PRKCQ: variants seen among roughly 807,000 people sequenced by gnomAD.
PRKCQ encodes the protein protein kinase C theta type.
Under a neutral mutation model 91.2 loss-of-function variants are expected in PRKCQ, and 41 were observed. That is an observed-to-expected ratio of 0.45 (90% confidence interval 0.35 to 0.58). The LOEUF is 0.58. Ranked by LOEUF, PRKCQ falls within the 20% of genes least tolerant of loss-of-function variation. The pLI is 0.00. For missense variants in PRKCQ, 673 were observed against 896.5 expected (o/e 0.75, Z 3.18); for synonymous variants, 307 against 316.9 (o/e 0.97, Z 0.33).
In PRKCQ at chr10:6,428,237, C is replaced by A. The variant is rs746598943; in HGVS notation, c.2091G>T (p.Met697Ile). The change falls in exon 18 of 18, where the codon ATG becomes ATT. Residue 697 changes from methionine (M) to isoleucine (I), a missense_variant. Coordinates refer to ENST00000263125, the MANE Select transcript of PRKCQ (RefSeq NM_006257.5). ...ATATCAGCCGCTCCATCCCGGGGTTCATGAAGGAAAAGTTCCTGAACATAT... is the reference window on the plus strand; with the variant it reads ...ATATCAGCCGCTCCATCCCGGGGTTAATGAAGGAAAAGTTCCTGAACATAT... ...DQNMFRNFSF[M>I]NPGMERLIS 2.5e-6 allele frequency: 4 copies of A among 1,614,042 alleles called. No homozygotes were observed. The highest frequency in any genetic ancestry group is 2.5e-6 in the Non-Finnish European group (3 of 1,180,052).
At chr10:6,422,799 C>T (rs1359920541), downstream of PRKCQ, among the ~76,000 whole-genome samples, 1 of 152,174 alleles carries the variant, frequency 6.6e-6, no homozygotes, top group African/African-American at 2.4e-5. Flanking sequence ...AAGGCAGAAG[C>T]TGGGGGCAGA....
intron 1 of PRKCQ, among the ~76,000 whole-genome samples, chr10:6,570,123 G>A: frequency 6.6e-6 from 1 of 152,144 alleles, no homozygotes; most frequent in African/African-American, 2.4e-5. Context: ...ATGCATGTGT[G>A]CTCACGGCAC....
chr10:6,464,987 A>G (rs566290808), intron 12 of PRKCQ, among the ~76,000 whole-genome samples: 2 of 152,246 alleles, frequency 1.3e-5, no homozygotes, highest in South Asian at 4.1e-4. Flanking sequence ...GGCACAAGGG[A>G]GAGTCCAGTT....
the PRKCQ span, among the ~76,000 whole-genome samples, chr10:6,418,324 G>A: frequency 6.6e-6 from 1 of 152,218 alleles, no homozygotes. Context: ...GAATGACAAA[G>A]AGCTGATAGG....
At chr10:6,480,976 G>C (rs1196208244) in intron 11 of PRKCQ, among the ~76,000 whole-genome samples, 1 of 152,172 alleles carries the variant, frequency 6.6e-6, no homozygotes. Flanking sequence ...TAGAGGTCTT[G>C]GTGAGGAAAC....
the PRKCQ span, among the ~76,000 whole-genome samples, chr10:6,395,248 A>G: frequency 2.0e-5 from 3 of 151,940 alleles, no homozygotes; most frequent in Non-Finnish European, 4.4e-5. Flanking sequence ...TACTTTTAGT[A>G]GAGACGGGGT....
intron 2 of PRKCQ, 60 bp downstream of exon 2, chr10:6,514,958 C>G: frequency 6.2e-7 from 1 of 1,608,940 alleles, no homozygotes; most frequent in Non-Finnish European, 8.5e-7. Flanking sequence ...TTGCTTCATA[C>G]ACAGTTCATA....
At chr10:6,412,583 C>T in the PRKCQ span, among the ~76,000 whole-genome samples, 22 of 152,118 alleles carry the variant, frequency 1.4e-4, 2 homozygotes, top group Admixed American at 1.0e-3. Flanking sequence ...TTCAAAGATA[C>T]GCAAAGATAT....
intron 16 of PRKCQ, among the ~76,000 whole-genome samples, chr10:6,435,883 C>T (rs562460063): frequency 2.6e-5 from 4 of 152,226 alleles, no homozygotes; most frequent in South Asian, 2.1e-4. Context: ...GAGGCTGAGG[C>T]GGGCAGATTG....
intron 16 of PRKCQ, among the ~76,000 whole-genome samples, chr10:6,436,732 A>C (rs1833716708): frequency 6.6e-6 from 1 of 152,186 alleles, no homozygotes; most frequent in South Asian, 2.1e-4. Context: ...TTTATAGATC[A>C]ATAGTTTGTT....
chr10:6,476,307 G>A (rs1836264532), intron 12 of PRKCQ, among the ~76,000 whole-genome samples: 2 of 89,554 alleles, frequency 2.2e-5, no homozygotes, highest in Admixed American at 2.4e-4. Context: ...TGTCATACAT[G>A]CAAATCAAAA....
At chr10:6,470,812 A>G (rs904522269) in intron 12 of PRKCQ, among the ~76,000 whole-genome samples, 2 of 152,080 alleles carry the variant, frequency 1.3e-5, no homozygotes, top group African/African-American at 4.8e-5. Flanking sequence ...TTAGCCAGGC[A>G]TGGTGGCACA....
chr10:6,491,938 C>G (rs3815974), intron 7 of PRKCQ, 126 bp from the exon 8 acceptor site: 12 of 1,374,980 alleles, frequency 8.7e-6, no homozygotes, highest in African/African-American at 2.9e-5. Flanking sequence ...GCATTTTAAA[C>G]CATCATTGTC....
Position 6,576,043 on chromosome 10 carries a change from A to C in PRKCQ, c.-10+4168T>G, listed in dbSNP as rs1248436109. ...GACACAGCGAGACTCCATCTCAAAA[A>C]ACACAAAACAAAAGACAGCGTTGCT... On this transcript the variant is annotated intron_variant, in intron 1 of 17. Transcript: ENST00000263125. This position sits in a 1 kb window ranked among gnomAD's most constrained non-coding sequence, Gnocchi z 4.2. 1.3e-5 allele frequency among the ~76,000 whole-genome samples: 2 copies of C among 152,204 alleles called. No homozygotes were observed. The highest frequency in any genetic ancestry group is 2.9e-5 in the Non-Finnish European group (2 of 68,032).
At chr10:6,498,048 G>A (rs911241924) in intron 5 of PRKCQ, among the ~76,000 whole-genome samples, 38 of 152,182 alleles carry the variant, frequency 2.5e-4, no homozygotes, top group African/African-American at 8.9e-4. Flanking sequence ...GCACCAGCAG[G>A]GTTGGGCCAT....
intron 12 of PRKCQ, among the ~76,000 whole-genome samples, chr10:6,470,789 A>C (rs1367240974): frequency 1.3e-5 from 2 of 152,120 alleles, no homozygotes; most frequent in Non-Finnish European, 2.9e-5. Flanking sequence ...CATCTCTACC[A>C]AAAATACAAA....
chr10:6,469,847 C>G (rs1588708857), intron 12 of PRKCQ, among the ~76,000 whole-genome samples: 1 of 152,042 alleles, frequency 6.6e-6, no homozygotes, highest in African/African-American at 2.4e-5. Flanking sequence ...TATTACTGAG[C>G]AATGAAAAAT....
At chr10:6,530,631 T>C (rs757282138) in intron 1 of PRKCQ, among the ~76,000 whole-genome samples, 18 of 152,332 alleles carry the variant, frequency 1.2e-4, no homozygotes, top group Non-Finnish European at 2.4e-4. Flanking sequence ...AAGAAAGAGC[T>C]GGGTCTATCT....
Position 6,479,792 on chromosome 10 carries a change from A to AT in PRKCQ, c.1180-628_1180-627insA, listed in dbSNP as rs1041038753. Among the ~76,000 whole-genome samples the AT allele has an allele frequency of 2.7e-5, 4 of 149,548 alleles. 1 individual carries two copies. Among genetic ancestry groups the AT allele is most frequent in the African/African-American group, 9.8e-5 (4 of 40,670 alleles). On this transcript the variant is annotated intron_variant, in intron 11 of 17. Coordinates refer to ENST00000263125, the MANE Select transcript of PRKCQ (RefSeq NM_006257.5). ...TAAAAAAAAAAAAAAAAAAAAAAAA[A>AT]AAATCCAAAAATTAGCCGGGCATGG...
Sources: gnomAD v4.1 joint callset for allele counts (sites outside exome capture counted in the v4.1 genomes callset) on GRCh38, gnomAD v4.1.1 for gene constraint, Gnocchi (gnomAD v3.1) non-coding constraint, MANE v1.5 for transcripts, NCBI Gene and HGNC (gene_info 2026-07-23, HGNC 2026-07-21) for gene names.